THSD4: variants seen among roughly 807,000 people sequenced by gnomAD.
THSD4 encodes thrombospondin type 1 domain containing 4.
THSD4 carries 69 observed loss-of-function variants against 119.0 expected under a neutral mutation model. That is an observed-to-expected ratio of 0.58 (90% CI 0.48 to 0.71). THSD4 has a LOEUF of 0.71. THSD4 is among the 30% of genes least tolerant of loss of function. The pLI, the probability that THSD4 is intolerant of heterozygous loss-of-function variation, is 0.00. For synonymous variants in THSD4, 524 were observed against 540.4 expected (o/e 0.97, Z 0.42); for missense variants, 1,393 against 1,391.1 (o/e 1.00, Z -0.02).
chr15:71,200,645 T>C (rs1244639852), intron 3 of THSD4, among the ~76,000 whole-genome samples: 1 of 152,232 alleles, frequency 6.6e-6, no homozygotes, highest in Non-Finnish European at 1.5e-5. Context: ...ATACTTGCAG[T>C]AACCAAATAG....
At chr15:71,393,734 A>G (rs2046407642) in intron 6 of THSD4, among the ~76,000 whole-genome samples, 1 of 152,144 alleles carries the variant, frequency 6.6e-6, no homozygotes, top group Non-Finnish European at 1.5e-5. Context: ...TGTGCTTAGC[A>G]CTGTCCTAGG....
chr15:71,709,790 A>G (rs1347600985), intron 8 of THSD4, among the ~76,000 whole-genome samples: 1 of 152,192 alleles, frequency 6.6e-6, no homozygotes, highest in Non-Finnish European at 1.5e-5. Context: ...GGAAACTTTC[A>G]AATCTCCCAT....
intron 7 of THSD4, among the ~76,000 whole-genome samples, chr15:71,586,247 G>A (rs1044227551): frequency 6.6e-6 from 1 of 152,050 alleles, no homozygotes; most frequent in African/African-American, 2.4e-5. Context: ...CTATCTCTGG[G>A]ATCATATTCT....
At chr15:71,677,736 C>T (rs61556614) in intron 8 of THSD4, among the ~76,000 whole-genome samples, 15,841 of 152,202 alleles carry the variant, frequency 0.1, 860 homozygotes, top group South Asian at 0.17. Context: ...AAATGTGAGA[C>T]TGAGTTTTCC....
At chr15:71,589,334 G>A (rs2049751375) in intron 7 of THSD4, among the ~76,000 whole-genome samples, 1 of 104,276 alleles carries the variant, frequency 9.6e-6, no homozygotes, top group African/African-American at 3.0e-5. Flanking sequence ...GTGTAGTCTG[G>A]TGTGATATAA....
intron 6 of THSD4, among the ~76,000 whole-genome samples, chr15:71,362,877 T>C (rs1032045490): frequency 4.6e-5 from 7 of 151,264 alleles, no homozygotes; most frequent in African/African-American, 1.7e-4. Flanking sequence ...ATAAATGCTG[T>C]AAAGCAGGGG....
intron 5 of THSD4, among the ~76,000 whole-genome samples, chr15:71,246,655 G>A (rs769480922): frequency 1.3e-5 from 2 of 152,164 alleles, no homozygotes; most frequent in Non-Finnish European, 2.9e-5. Context: ...AAGCATTCCA[G>A]CATGTCTCTG....
rs927021944 is a variant in THSD4, at chr15:71,715,024, A to G, written c.1358-13525A>G. 3.3e-5 allele frequency among the ~76,000 whole-genome samples: 5 copies of G among 152,208 alleles called. No individual in the cohort carries two copies. In the South Asian group the frequency reaches 8.3e-4, roughly 25 times the overall value. On this transcript the variant is annotated intron_variant, in intron 8 of 17. Transcript: ENST00000261862. ...ACATAACCCTTATAACTCCAGAGACATAAGTGGGTCAGTCTTGCAGGAGTA... is the reference window on the plus strand; with the variant it reads ...ACATAACCCTTATAACTCCAGAGACGTAAGTGGGTCAGTCTTGCAGGAGTA...
chr15:71,155,076 A>G, intron 3 of THSD4, 144 bp downstream of exon 3: 3 of 751,110 alleles, frequency 4.0e-6, no homozygotes, highest in Non-Finnish European at 6.7e-6. Context: ...GGAGTGTACT[A>G]TTCTGTTCTC....
At position 71,174,037 on chromosome 15, in the gene THSD4, T is replaced by C. The variant is rs150373249; in HGVS notation, c.99+19105T>C. 1.6e-3 allele frequency among the ~76,000 whole-genome samples: 245 copies of C among 152,284 alleles called. 1 individual carries two copies. The South Asian group carries it at 0.017, about 10-fold the overall frequency. On this transcript the variant is annotated intron_variant, in intron 3 of 17. Transcript: ENST00000261862. Reference sequence around the variant, plus strand: ...TGATATTAGTTTTGGCAGTGATTTCTTGGATATGACACCAAAGGCACCAGG... The same window carrying C: ...TGATATTAGTTTTGGCAGTGATTTCCTGGATATGACACCAAAGGCACCAGG...
At chr15:71,358,759 T>C (rs143866949) in intron 6 of THSD4, among the ~76,000 whole-genome samples, 2 of 152,340 alleles carry the variant, frequency 1.3e-5, no homozygotes, top group African/African-American at 4.8e-5. Flanking sequence ...TCATCATCTT[T>C]CTTTACTATC....
chr15:71,531,593 CA>C (rs1446226704), intron 7 of THSD4, among the ~76,000 whole-genome samples: 3 of 152,210 alleles, frequency 2.0e-5, no homozygotes, highest in African/African-American at 7.2e-5. Context: ...TGATCATGAG[CA>C]AGTCACTTAA....
Position 71,777,350 on chromosome 15 carries a change from G to T in THSD4, c.3033G>T (p.Gln1011His). ...CCTGCACCCGTGTGGCCAACAGGCAGACGGGCTTCCTGGGGAGCAGATAAC... is the reference window on the plus strand; with the variant it reads ...CCTGCACCCGTGTGGCCAACAGGCATACGGGCTTCCTGGGGAGCAGATAAC... ...CASCTRVANR[Q>H]TGFLGSR Residue 1011 changes from glutamine (Q) to histidine (H), a missense_variant, in exon 18 of 18, where the codon CAG becomes CAT. Gln to His is a conservative substitution (Grantham distance 24). Transcript: ENST00000261862. 6.2e-7 allele frequency: 1 copy of T among 1,614,108 alleles called. No homozygotes were observed. Among genetic ancestry groups the T allele is most frequent in the East Asian group, 2.2e-5 (1 of 44,878 alleles).
At chr15:71,195,537 G>T (rs762173306) in intron 3 of THSD4, among the ~76,000 whole-genome samples, 1 of 152,188 alleles carries the variant, frequency 6.6e-6, no homozygotes, top group Non-Finnish European at 1.5e-5. Context: ...TTGGAGGTAG[G>T]GGGTGGCCAG....
At chr15:71,657,811 C>T (rs1422346243) in intron 7 of THSD4, among the ~76,000 whole-genome samples, 1 of 152,188 alleles carries the variant, frequency 6.6e-6, no homozygotes, top group Non-Finnish European at 1.5e-5. Context: ...CCATGCTCTG[C>T]AGGAAATCTG....
intron 8 of THSD4, among the ~76,000 whole-genome samples, chr15:71,703,090 C>T (rs1045083939): frequency 4.6e-5 from 7 of 152,194 alleles, no homozygotes; most frequent in South Asian, 4.2e-4. Flanking sequence ...GAAGGATTCT[C>T]CTGCCTTCTG....
chr15:71,621,693 A>T (rs1456337020), intron 7 of THSD4, among the ~76,000 whole-genome samples: 1 of 152,224 alleles, frequency 6.6e-6, no homozygotes, highest in Non-Finnish European at 1.5e-5. Context: ...ATATTCATTG[A>T]TGGCTGAAAA....
intron 4 of THSD4, among the ~76,000 whole-genome samples, chr15:71,217,175 GA>G (rs1435382410): frequency 6.6e-6 from 1 of 152,172 alleles, no homozygotes; most frequent in African/African-American, 2.4e-5. Context: ...AGGTAATTCA[GA>G]CATATTTCAC....
At chr15:71,700,944 A>C (rs990159773) in intron 8 of THSD4, among the ~76,000 whole-genome samples, 4 of 152,214 alleles carry the variant, frequency 2.6e-5, no homozygotes, top group Admixed American at 2.6e-4. Flanking sequence ...TCCCAGAAAA[A>C]TATTTTTAAA....
Sources: allele counts gnomAD v4.1 joint callset (sites outside exome capture counted in the v4.1 genomes callset), GRCh38; gene constraint gnomAD v4.1.1; transcripts MANE v1.5; gene names NCBI Gene and HGNC (gene_info 2026-07-23, HGNC 2026-07-21).